Variants in PDZRN4 observed in about 807,000 individuals in gnomAD.
The protein encoded by PDZRN4 is PDZ domain-containing RING finger protein 4.
PDZRN4 carries 70 observed loss-of-function variants against 99.0 expected under a neutral mutation model. The ratio of observed to expected loss-of-function variants is 0.71; its 90% confidence interval spans 0.58 to 0.86. The LOEUF is 0.86. PDZRN4 is among the 40% of genes least tolerant of loss of function. The probability of loss-of-function intolerance (pLI) is 0.00; values close to 1 mark genes in which losing one functional copy is unlikely to be tolerated. For missense variants in PDZRN4, 1,474 were observed against 1,331.2 expected (o/e 1.11, Z -1.67); for synonymous variants, 551 against 501.6 (o/e 1.10, Z -1.32).
intron 3 of PDZRN4, among the ~76,000 whole-genome samples, chr12:41,210,306 A>C (rs1950879817): frequency 6.6e-6 from 1 of 151,796 alleles, no homozygotes; most frequent in African/African-American, 2.4e-5. Context: ...TTGCTTGTTC[A>C]CTCTGATGGT....
At chr12:41,296,652 A>G (rs1951496429) in intron 3 of PDZRN4, among the ~76,000 whole-genome samples, 1 of 151,838 alleles carries the variant, frequency 6.6e-6, no homozygotes. Context: ...CCTTCTTTTT[A>G]TTTTCTAATA....
chr12:41,224,651 A>G (rs985178939), intron 3 of PDZRN4, among the ~76,000 whole-genome samples: 2 of 152,210 alleles, frequency 1.3e-5, no homozygotes, highest in African/African-American at 4.8e-5. Context: ...ATTTTATAGT[A>G]TAGGTAAGAA....
At chr12:41,217,225 C>T (rs779453413) in intron 3 of PDZRN4, among the ~76,000 whole-genome samples, 6 of 152,066 alleles carry the variant, frequency 3.9e-5, no homozygotes, top group African/African-American at 7.2e-5. Context: ...CAGAGCAACT[C>T]AATGAACCAT....
chr12:41,541,070 A>G (rs560939219), intron 5 of PDZRN4, among the ~76,000 whole-genome samples: 34 of 151,958 alleles, frequency 2.2e-4, no homozygotes, highest in East Asian at 7.8e-4. Context: ...GACTACAGGC[A>G]CCCACCACCA....
chr12:41,512,137 G>A (rs17768388), intron 5 of PDZRN4, among the ~76,000 whole-genome samples: 17,919 of 152,070 alleles, frequency 0.12, 1,207 homozygotes, highest in South Asian at 0.22. Context: ...AGGCAATCAA[G>A]GAAGTAGAAA....
chr12:41,233,690 A>G (rs1951045893), intron 3 of PDZRN4, among the ~76,000 whole-genome samples: 1 of 152,094 alleles, frequency 6.6e-6, no homozygotes. Context: ...TTGCAAGGAC[A>G]AAAAACCAAA....
chr12:41,188,747 G>C lies in PDZRN4; in HGVS notation c.292G>C (p.Glu98Gln), dbSNP rs748966431. ...CGHSVRLHEL[E>Q]AHVEHCDFGP... ...CCACTCGGTCAGGCTGCACGAGCTG[G>C]AGGCGCACGTCGAGCACTGCGACTT... Residue 98 changes from glutamate to glutamine, a missense_variant, in exon 1 of 10, where the codon GAG becomes CAG. Glu to Gln is a conservative substitution (Grantham distance 29). Transcript: ENST00000402685. 83 of 1,508,300 alleles carry C rather than the reference G, an allele frequency of 5.5e-5. No homozygotes were observed. Among genetic ancestry groups the C allele is most frequent in the Non-Finnish European group, 7.0e-5 (80 of 1,138,244 alleles). 93.4% of individuals were successfully genotyped at this position (1,508,300 alleles called of 1,614,324 possible).
Position 41,539,535 on chromosome 12 carries a change from C to T in PDZRN4, c.1204-13121C>T, listed in dbSNP as rs985081230. Among the ~76,000 whole-genome samples, 5 of 152,000 alleles carry T rather than the reference C, an allele frequency of 3.3e-5. No individual in the cohort carries two copies. In the South Asian group the frequency reaches 1.0e-3, roughly 32 times the overall value. On this transcript the variant is annotated intron_variant, in intron 5 of 9. Transcript: ENST00000402685. ...CTTGTACCTTTTCCTGTTATGATGA[C>T]CACAGGAAAAACTCCCTCTCCCCAG...
At chr12:41,342,976 G>A (rs1421210547) in intron 3 of PDZRN4, among the ~76,000 whole-genome samples, 1 of 151,786 alleles carries the variant, frequency 6.6e-6, no homozygotes, top group Non-Finnish European at 1.5e-5. Flanking sequence ...AACAATTAAT[G>A]AATGGAAAAA....
chr12:41,439,680 A>G (rs1328159527), intron 3 of PDZRN4, among the ~76,000 whole-genome samples: 1 of 152,140 alleles, frequency 6.6e-6, no homozygotes, highest in Non-Finnish European at 1.5e-5. Context: ...GAGAAAATAG[A>G]TAAGCCATGC....
chr12:41,501,196 T>C (rs910974607), intron 3 of PDZRN4, among the ~76,000 whole-genome samples: 1 of 152,194 alleles, frequency 6.6e-6, no homozygotes, highest in Non-Finnish European at 1.5e-5. Flanking sequence ...TAGAAGCCCT[T>C]ATTTCTCATA....
chr12:41,521,777 C>A (rs1359165998), intron 5 of PDZRN4, among the ~76,000 whole-genome samples: 1 of 152,042 alleles, frequency 6.6e-6, no homozygotes, highest in Non-Finnish European at 1.5e-5. Context: ...TATTCAGTTT[C>A]CCCTTTGGCA....
At chr12:41,222,711 G>T (rs1302141626) in intron 3 of PDZRN4, among the ~76,000 whole-genome samples, 3 of 152,030 alleles carry the variant, frequency 2.0e-5, no homozygotes, top group Non-Finnish European at 4.4e-5. Context: ...TTTTAGTAGA[G>T]ATGGGGATTC....
In PDZRN4 at chr12:41,540,294, T is replaced by C. The variant is rs190638671; in HGVS notation, c.1204-12362T>C. Among the ~76,000 whole-genome samples the C allele has an allele frequency of 2.8e-4, 43 of 152,328 alleles. No individual in the cohort carries two copies. In the East Asian group the frequency reaches 7.3e-3, roughly 26 times the overall value. On this transcript the variant is annotated intron_variant, in intron 5 of 9. Transcript: ENST00000402685. ...TAATCTTGTAAATCAAATTTCTCAC[T>C]GACCATCAGAACCTAGAAGAAAATA...
chr12:41,288,951 C>A (rs1046338278), intron 3 of PDZRN4, among the ~76,000 whole-genome samples: 5 of 151,802 alleles, frequency 3.3e-5, no homozygotes, highest in Admixed American at 2.6e-4. Context: ...GCTGAGAATA[C>A]ACACCTGAAA....
intron 3 of PDZRN4, among the ~76,000 whole-genome samples, chr12:41,215,225 G>GA (rs1029995355): frequency 1.3e-5 from 2 of 151,966 alleles, no homozygotes; most frequent in African/African-American, 4.8e-5. Context: ...GAATGGCTTA[G>GA]AAAAATGGAA....
At chr12:41,558,488 CA>C (rs1939207554) in intron 7 of PDZRN4, among the ~76,000 whole-genome samples, 1 of 152,130 alleles carries the variant, frequency 6.6e-6, no homozygotes, top group Admixed American at 6.5e-5. Context: ...TACACAAATA[CA>C]GTTATTAAAA....
intron 5 of PDZRN4, among the ~76,000 whole-genome samples, chr12:41,536,271 T>C (rs67541586): frequency 0.18 from 27,112 of 152,076 alleles, 2,647 homozygotes; most frequent in South Asian, 0.25. Context: ...AAATAAGCTG[T>C]CAAGCCATGA....
intron 3 of PDZRN4, among the ~76,000 whole-genome samples, chr12:41,446,888 A>G (rs574241186): frequency 1.3e-5 from 2 of 148,684 alleles, no homozygotes; most frequent in East Asian, 2.0e-4. Flanking sequence ...TAATCATTGC[A>G]TACCATTTAG....
Sources: gnomAD v4.1 joint callset for allele counts (sites outside exome capture counted in the v4.1 genomes callset) on GRCh38, gnomAD v4.1.1 for gene constraint, MANE v1.5 for transcripts, NCBI Gene and HGNC (gene_info 2026-07-23, HGNC 2026-07-21) for gene names.